Variants in CUX1 observed in about 807,000 individuals in gnomAD.
CUX1 encodes cut like homeobox 1, also known as protein CASP.
Under a neutral mutation model 158.8 loss-of-function variants are expected in CUX1, and 31 were observed. The ratio of observed to expected loss-of-function variants is 0.20; its 90% CI spans 0.15 to 0.26. CUX1 has a LOEUF of 0.26. Among genes scored for constraint, CUX1 ranks in the 10% least tolerant of loss-of-function variants. The pLI, the probability that CUX1 is intolerant of heterozygous loss-of-function variation, is 1.00. For synonymous variants in CUX1, 879 were observed against 862.1 expected (o/e 1.02, Z -0.34); for missense variants, 1,589 against 2,014.6 (o/e 0.79, Z 4.04).
rs529244771 is a variant in CUX1, at chr7:102,255,073, C to G, written c.*6031C>G. The G allele has an allele frequency of 1.0e-6, 1 of 985,396 alleles. No homozygotes were observed. Among genetic ancestry groups the G allele is most frequent in the East Asian group, 1.1e-4 (1 of 8,826 alleles). The allele number at this position is 985,396 out of a possible 1,614,324, so 61.0% of individuals were successfully genotyped here. ...GTAAAACAAGCCCCAGCCCTACTCCCGGCCCCCCAGCCCAGTCTTCCCAAT... is the reference window on the plus strand; with the variant it reads ...GTAAAACAAGCCCCAGCCCTACTCCGGGCCCCCCAGCCCAGTCTTCCCAAT... On this transcript the variant is annotated 3_prime_UTR_variant, in exon 24 of 24. Coordinates refer to ENST00000292535, the MANE Select transcript of CUX1 (RefSeq NM_181552.4).
At position 102,256,762 on chromosome 7, in the gene CUX1, G is replaced by A. The variant is rs1586469864; in HGVS notation, c.*7720G>A. On this transcript the variant is annotated 3_prime_UTR_variant, in exon 24 of 24. Coordinates refer to ENST00000292535, the MANE Select transcript of CUX1 (RefSeq NM_181552.4). The stretch of plus-strand genomic sequence containing the variant: ...ACTTCTGGGTTCATGAAGTTTCGGC[G>A]AGCCGTGGTCAGAGAGGGCGCGGTG... The A allele has an allele frequency of 6.1e-6, 6 of 985,428 alleles. No homozygotes were observed. The highest frequency in any genetic ancestry group is 6.0e-6 in the Non-Finnish European group (5 of 829,954). 61.0% of individuals were successfully genotyped at this position (985,428 alleles called of 1,614,324 possible).
intron 8 of CUX1, among the ~76,000 whole-genome samples, chr7:102,116,036 C>T (rs1407277750): frequency 3.9e-5 from 6 of 152,188 alleles, no homozygotes; most frequent in Admixed American, 6.5e-5. Context: ...TGCCATGTCT[C>T]TTGGGTTTCC....
At position 102,246,038 on chromosome 7, in the gene CUX1, A is replaced by T. The variant is rs193037735; in HGVS notation, c.3888-2374A>T. On this transcript the variant is annotated intron_variant, in intron 23 of 23. Coordinates refer to ENST00000292535, the MANE Select transcript of CUX1 (RefSeq NM_181552.4). The stretch of plus-strand genomic sequence containing the variant: ...CACAGAATGCTATGGCTATGAGGTT[A>T]AATAACTTCTCCAAGTTGCACAGCT... Among the ~76,000 whole-genome samples, 368 of 152,254 alleles carry T rather than the reference A, an allele frequency of 2.4e-3. 3 individuals are homozygous for T. The highest frequency in any genetic ancestry group is 6.8e-3 in the Middle Eastern group (2 of 294).
chr7:101,910,027 C>G (rs894143771), intron 1 of CUX1, among the ~76,000 whole-genome samples: 1 of 152,210 alleles, frequency 6.6e-6, no homozygotes, highest in African/African-American at 2.4e-5. Context: ...TCAAGCGATT[C>G]TCCTGCCTCA....
At chr7:102,178,743 C>T (rs2131785167) in intron 11 of CUX1, 86 bp downstream of exon 11, 2 of 1,407,550 alleles carry the variant, frequency 1.4e-6, no homozygotes. Flanking sequence ...CTCTGCCTTT[C>T]TGGACTTGAT....
intron 20 of CUX1, among the ~76,000 whole-genome samples, chr7:102,215,138 C>G (rs1796921764): frequency 6.6e-6 from 1 of 151,402 alleles, no homozygotes; most frequent in Non-Finnish European, 1.5e-5. Flanking sequence ...AATTTTGTTC[C>G]ATGTGGCTTA....
Position 102,099,474 on chromosome 7 carries a change from G to GT in CUX1, c.406+1973_406+1974insT, listed in dbSNP as rs1554485587. On this transcript the variant is annotated intron_variant, in intron 5 of 23. Coordinates refer to ENST00000292535, the MANE Select transcript of CUX1 (RefSeq NM_181552.4). ...ACGCTACCCTAAAGGGGAGTATCCT[G>GT]GTTTTTTTTTTTTTTCCCCTTCATT... Among the ~76,000 whole-genome samples the GT allele has an allele frequency of 6.6e-4, 65 of 98,808 alleles. 1 individual carries two copies. The East Asian group carries it at 0.012, about 19-fold the overall frequency. The allele number at this position is 98,808 out of a possible 152,430, so 64.8% of individuals were successfully genotyped here. A position where few individuals can be genotyped will look rare whatever the true frequency, so the allele number is the denominator to read the frequency against.
chr7:102,030,091 A>G (rs1414486616), intron 3 of CUX1, among the ~76,000 whole-genome samples: 1 of 151,502 alleles, frequency 6.6e-6, no homozygotes, highest in Non-Finnish European at 1.5e-5. Flanking sequence ...AGCTCGCTGC[A>G]ACCTCCGCCT....
intron 8 of CUX1, among the ~76,000 whole-genome samples, chr7:102,121,228 T>C (rs901371663): frequency 1.3e-5 from 2 of 151,964 alleles, no homozygotes; most frequent in Non-Finnish European, 1.5e-5. Context: ...AGTGCAGTGG[T>C]GCGATCATGG....
chr7:102,115,323 T>C, intron 8 of CUX1, 50 bp downstream of exon 8: 1 of 1,557,944 alleles, frequency 6.4e-7, no homozygotes, highest in Non-Finnish European at 8.7e-7. Flanking sequence ...TCTCACCTGA[T>C]TTTGCTTGAG....
Position 101,931,908 on chromosome 7 carries a change from T to C in CUX1, c.141+15683T>C, listed in dbSNP as rs567400615. On this transcript the variant is annotated intron_variant, in intron 2 of 23. Coordinates refer to ENST00000292535, the MANE Select transcript of CUX1 (RefSeq NM_181552.4). ...GCTTTTATTGGAATCTCATTAAATT[T>C]GTAGATTTGGAGAGGCTTTAGAAGG... Among the ~76,000 whole-genome samples, 9 of 152,338 alleles carry C rather than the reference T, an allele frequency of 5.9e-5. No individual in the cohort carries two copies. In the East Asian group the frequency reaches 1.7e-3, roughly 29 times the overall value.
At chr7:101,846,718 A>G (rs1795733567) in intron 1 of CUX1, among the ~76,000 whole-genome samples, 1 of 152,186 alleles carries the variant, frequency 6.6e-6, no homozygotes, top group African/African-American at 2.4e-5. Context: ...AAGTAGGCCA[A>G]GGAGGTGCTA....
chr7:102,196,353 C>T (rs1390713607), intron 14 of CUX1, among the ~76,000 whole-genome samples: 1 of 152,166 alleles, frequency 6.6e-6, no homozygotes, highest in African/African-American at 2.4e-5. Flanking sequence ...AGCTCCTTGT[C>T]ACGCTAGGAG....
intron 2 of CUX1, among the ~76,000 whole-genome samples, chr7:101,944,076 C>G (rs140528835): frequency 6.6e-6 from 1 of 152,040 alleles, no homozygotes; most frequent in East Asian, 1.9e-4. Flanking sequence ...GTTGACTGGG[C>G]TCAGCCATCC....
chr7:102,268,490 AG>A (rs1378830116), intron 14 of CUX1, among the ~76,000 whole-genome samples: 2 of 151,824 alleles, frequency 1.3e-5, no homozygotes, highest in African/African-American at 2.4e-5. Context: ...GCCTCTTCTC[AG>A]GGTCTTTGCG....
At chr7:101,907,397 G>A (rs1285192341) in intron 1 of CUX1, among the ~76,000 whole-genome samples, 1 of 151,860 alleles carries the variant, frequency 6.6e-6, no homozygotes, top group African/African-American at 2.4e-5. Context: ...TTCCCAGGCT[G>A]GAGTGCAATG....
intron 10 of CUX1, among the ~76,000 whole-genome samples, chr7:102,176,086 A>C (rs1202034872): frequency 6.6e-6 from 1 of 152,256 alleles, no homozygotes; most frequent in African/African-American, 2.4e-5. Flanking sequence ...CAGCTGTCAG[A>C]GGTCAGGAGA....
intron 20 of CUX1, among the ~76,000 whole-genome samples, chr7:102,220,330 C>G (rs1554526480): frequency 6.6e-6 from 1 of 152,224 alleles, no homozygotes; most frequent in Non-Finnish European, 1.5e-5. Context: ...CACTACACTC[C>G]AGCCTGGGCA....
At chr7:101,859,097 C>T (rs879666010) in intron 1 of CUX1, among the ~76,000 whole-genome samples, 10 of 152,134 alleles carry the variant, frequency 6.6e-5, no homozygotes, top group African/African-American at 9.7e-5. Flanking sequence ...AACTCTAGCT[C>T]GACTTCAGGC....
Sources: allele counts gnomAD v4.1 joint callset (sites outside exome capture counted in the v4.1 genomes callset), GRCh38; gene constraint gnomAD v4.1.1; transcripts MANE v1.5; gene names NCBI Gene and HGNC (gene_info 2026-07-23, HGNC 2026-07-21).